The following USP48 variants were observed in gnomAD, a reference collection of about 807,000 sequenced individuals.
USP48 encodes ubiquitin carboxyl-terminal hydrolase 48.
A neutral mutation model predicts 150.7 loss-of-function variants in USP48; 43 were observed. That is an observed-to-expected ratio of 0.29 (90% CI 0.22 to 0.37). The LOEUF (loss-of-function observed/expected upper bound fraction) is 0.37, where lower values mean the gene tolerates loss of function less well. USP48 is among the 10% of genes least tolerant of loss of function. The probability of loss-of-function intolerance (pLI) is 1.00; values close to 1 mark genes in which losing one functional copy is unlikely to be tolerated. For synonymous variants in USP48, 396 were observed against 425.9 expected (o/e 0.93, Z 0.86); for missense variants, 813 against 1,249.6 (o/e 0.65, Z 5.27).
intron 8 of USP48, among the ~76,000 whole-genome samples, chr1:21,737,982 C>T (rs1184333942): frequency 1.3e-5 from 2 of 152,068 alleles, no homozygotes; most frequent in African/African-American, 4.8e-5. Context: ...ACTGCAGCTT[C>T]AACCTCCTGG....
At chr1:21,777,594 G>C (rs780592875) in intron 1 of USP48, among the ~76,000 whole-genome samples, 1 of 151,874 alleles carries the variant, frequency 6.6e-6, no homozygotes, top group Non-Finnish European at 1.5e-5. Flanking sequence ...TTGAGACCAG[G>C]AGTTTAAGGC....
chr1:21,735,827 A>G (rs1255173135), intron 9 of USP48, among the ~76,000 whole-genome samples: 1 of 150,748 alleles, frequency 6.6e-6, no homozygotes, highest in Non-Finnish European at 1.5e-5. Context: ...GGTAGAGTTT[A>G]CAGTGAGCCG....
intron 14 of USP48, among the ~76,000 whole-genome samples, chr1:21,717,848 G>A (rs57025391): frequency 0.075 from 11,424 of 152,104 alleles, 619 homozygotes; most frequent in East Asian, 0.26. Context: ...CAGCTACTCC[G>A]GAGGCTGAGC....
chr1:21,692,392 G>A (rs1403733695), intron 23 of USP48, among the ~76,000 whole-genome samples: 1 of 152,152 alleles, frequency 6.6e-6, no homozygotes, highest in Non-Finnish European at 1.5e-5. Context: ...GAGCTACGGT[G>A]GATGTGTGTG....
chr1:21,715,187 T>C (rs1571828740), intron 15 of USP48: 2 of 490,032 alleles, frequency 4.1e-6, no homozygotes, highest in Middle Eastern at 1.1e-3. Flanking sequence ...TGAAATTCAA[T>C]ACTTCAAATT....
intron 11 of USP48, among the ~76,000 whole-genome samples, chr1:21,725,361 A>C (rs1370061086): frequency 6.6e-6 from 1 of 152,230 alleles, no homozygotes; most frequent in Non-Finnish European, 1.5e-5. Context: ...AATGTTGTTG[A>C]GTATAAAAGA....
At chr1:21,688,860 A>G (rs1259694113) in intron 24 of USP48, among the ~76,000 whole-genome samples, 24 of 150,932 alleles carry the variant, frequency 1.6e-4, no homozygotes, top group African/African-American at 4.9e-4. Flanking sequence ...AAAAAAAAAA[A>G]AAGAAGAAGC....
rs561771919 is a variant in USP48, at chr1:21,740,312, T to G, written c.992-3687A>C. 7.9e-4 allele frequency among the ~76,000 whole-genome samples: 121 copies of G among 152,376 alleles called. 1 individual carries two copies. Among genetic ancestry groups the G allele is most frequent in the African/African-American group, 2.7e-3 (113 of 41,600 alleles). On this transcript the variant is annotated intron_variant, in intron 8 of 26. Coordinates refer to ENST00000308271, the MANE Select transcript of USP48 (RefSeq NM_032236.8). Reference sequence around the variant, plus strand: ...ATAGAGTATCCTTTCCATTTAAGCCTGAATAGTATTCCATTGTGTATATAT... The same window carrying G: ...ATAGAGTATCCTTTCCATTTAAGCCGGAATAGTATTCCATTGTGTATATAT...
chr1:21,743,856 C>G (rs1447542230), intron 8 of USP48, among the ~76,000 whole-genome samples: 1 of 151,840 alleles, frequency 6.6e-6, no homozygotes, highest in Non-Finnish European at 1.5e-5. Flanking sequence ...CTAAAATATG[C>G]TGAGATACAT....
intron 11 of USP48, chr1:21,728,237 G>A: frequency 9.7e-7 from 1 of 1,036,172 alleles, no homozygotes; most frequent in African/African-American, 1.7e-5. Flanking sequence ...CAGGCAAGTT[G>A]CTTTTTCCAT....
At chr1:21,723,783 A>C in intron 12 of USP48, 115 bp downstream of exon 12, 1 of 867,816 alleles carries the variant, frequency 1.2e-6, no homozygotes, top group Non-Finnish European at 1.8e-6. Flanking sequence ...AAGTGTAAGG[A>C]ATATTTGGTC....
intron 10 of USP48, among the ~76,000 whole-genome samples, chr1:21,728,921 C>G (rs1306700546): frequency 1.3e-5 from 2 of 152,134 alleles, no homozygotes; most frequent in Non-Finnish European, 2.9e-5. Flanking sequence ...AATTGATTCC[C>G]CCCACCTAGC....
intron 22 of USP48, among the ~76,000 whole-genome samples, chr1:21,698,132 T>C (rs768984978): frequency 2.6e-5 from 4 of 152,126 alleles, no homozygotes; most frequent in Non-Finnish European, 5.9e-5. Context: ...GAAGCTATCT[T>C]TGTACTGAGA....
intron 25 of USP48, among the ~76,000 whole-genome samples, chr1:21,683,332 A>G (rs1185526991): frequency 6.6e-6 from 1 of 152,208 alleles, no homozygotes; most frequent in Admixed American, 6.5e-5. Flanking sequence ...ACATGCATAC[A>G]GTGTATAATG....
chr1:21,738,470 C>T (rs1277572962), intron 8 of USP48, among the ~76,000 whole-genome samples: 1 of 151,560 alleles, frequency 6.6e-6, no homozygotes, highest in Non-Finnish European at 1.5e-5. Flanking sequence ...GATTCTCTTG[C>T]CTCAACCTCC....
intron 23 of USP48, among the ~76,000 whole-genome samples, chr1:21,692,403 A>G (rs1047804291): frequency 6.6e-6 from 1 of 152,166 alleles, no homozygotes; most frequent in Non-Finnish European, 1.5e-5. Context: ...GATGTGTGTG[A>G]TGCTAACTTA....
chr1:21,726,160 C>T (rs1320714206), intron 11 of USP48, among the ~76,000 whole-genome samples: 1 of 152,090 alleles, frequency 6.6e-6, no homozygotes, highest in Admixed American at 6.6e-5. Context: ...AAAGAAAACA[C>T]CCTAAGAATC....
rs557145064 is a variant in USP48, at chr1:21,782,982, C to G, written c.-25G>C. 6 of 1,504,170 alleles carry G rather than the reference C, an allele frequency of 4.0e-6. No homozygotes were observed. The African/African-American group carries it at 7.2e-5, about 18-fold the overall frequency. 93.2% of individuals were successfully genotyped at this position (1,504,170 alleles called of 1,614,324 possible). A position where few individuals can be genotyped will look rare whatever the true frequency, so the allele number is the denominator to read the frequency against. On this transcript the variant is annotated 5_prime_UTR_variant, in exon 1 of 27. Transcript: ENST00000308271. ...TGGCCTTGGCCCCAGGAACGCCTCCCGAGCCAGACCGCCGCAGCCGCCGCC... is the reference window on the plus strand; with the variant it reads ...TGGCCTTGGCCCCAGGAACGCCTCCGGAGCCAGACCGCCGCAGCCGCCGCC...
chr1:21,783,003 C>T lies in USP48; in HGVS notation c.-46G>A. The T allele has an allele frequency of 6.8e-7, 1 of 1,478,910 alleles. No homozygotes were observed. The highest frequency in any genetic ancestry group is 1.5e-5 in the African/African-American group (1 of 68,226). The allele number at this position is 1,478,910 out of a possible 1,614,324, so 91.6% of individuals were successfully genotyped here. Reference sequence around the variant, plus strand: ...CTCCCGAGCCAGACCGCCGCAGCCGCCGCCGCGGTCTGCACCGCCGCCCCA... The same window carrying T: ...CTCCCGAGCCAGACCGCCGCAGCCGTCGCCGCGGTCTGCACCGCCGCCCCA... On this transcript the variant is annotated 5_prime_UTR_variant, in exon 1 of 27. Coordinates refer to ENST00000308271, the MANE Select transcript of USP48 (RefSeq NM_032236.8).
Sources: gnomAD v4.1 joint callset for allele counts (sites outside exome capture counted in the v4.1 genomes callset) on GRCh38, gnomAD v4.1.1 for gene constraint, MANE v1.5 for transcripts, NCBI Gene and HGNC (gene_info 2026-07-23, HGNC 2026-07-21) for gene names.